The following PARD3 variants were observed in gnomAD, a reference collection of about 807,000 sequenced individuals.
The protein encoded by PARD3 is par-3 family cell polarity regulator, also known as partitioning defective 3 homolog.
A neutral mutation model predicts 155.4 loss-of-function variants in PARD3; 75 were observed. The ratio of observed to expected loss-of-function variants is 0.48; its 90% CI spans 0.40 to 0.58. PARD3 has a LOEUF of 0.58. Among genes scored for constraint, PARD3 ranks in the 20% least tolerant of loss-of-function variants. The probability of loss-of-function intolerance (pLI) is 0.00; values close to 1 mark genes in which losing one functional copy is unlikely to be tolerated. For missense variants in PARD3, 1,642 were observed against 1,721.7 expected, an observed-to-expected ratio of 0.95 and a Z score of 0.82; for synonymous variants, 576 against 610.5, an observed-to-expected ratio of 0.94 and a Z score of 0.83.
chr10:34,359,078 GC>G, intron 14 of PARD3, 68 bp downstream of exon 14: 4 of 1,252,280 alleles, frequency 3.2e-6, no homozygotes, highest in South Asian at 1.4e-5. Context: ...AATACCCTTT[GC>G]CCAAAATTAG....
intron 1 of PARD3, among the ~76,000 whole-genome samples, chr10:34,741,174 A>ATTTTTTTTTTTTTTTTTTTTTT (rs71033345): frequency 2.6e-5 from 3 of 114,308 alleles, no homozygotes; most frequent in Non-Finnish European, 5.2e-5. Context: ...CGTAAACCAA[A>ATTTTTTTTTTTTTTTTTTTTTT]TTTTTTTTTT....
chr10:34,258,592 G>A (rs1954783062), intron 22 of PARD3, among the ~76,000 whole-genome samples: 2 of 152,076 alleles, frequency 1.3e-5, no homozygotes, highest in Non-Finnish European at 2.9e-5. Context: ...AGAAATCTGG[G>A]GCTTATAAAG....
chr10:34,315,410 C>T (rs1182841520), intron 20 of PARD3, among the ~76,000 whole-genome samples: 1 of 152,064 alleles, frequency 6.6e-6, no homozygotes, highest in Non-Finnish European at 1.5e-5. Context: ...ACTCCAAGAC[C>T]AGAACAGAGC....
At chr10:34,500,906 T>G (rs1487085518) in intron 3 of PARD3, among the ~76,000 whole-genome samples, 3 of 152,158 alleles carry the variant, frequency 2.0e-5, no homozygotes, top group Non-Finnish European at 4.4e-5. Flanking sequence ...ATGCACAATA[T>G]TCACAACCTG....
At chr10:34,724,952 C>T (rs2094675052) in intron 1 of PARD3, among the ~76,000 whole-genome samples, 2 of 152,198 alleles carry the variant, frequency 1.3e-5, no homozygotes, top group South Asian at 4.1e-4. Context: ...TCATTCAGTA[C>T]AAGCAATGGA....
At chr10:34,563,966 G>A in intron 2 of PARD3, among the ~76,000 whole-genome samples, 1 of 152,166 alleles carries the variant, frequency 6.6e-6, no homozygotes, top group Admixed American at 6.5e-5. Context: ...GTAAATCAGT[G>A]TTGATGATAA....
chr10:34,750,285 A>G (rs1490722091), intron 1 of PARD3, among the ~76,000 whole-genome samples: 1 of 152,142 alleles, frequency 6.6e-6, no homozygotes, highest in East Asian at 1.9e-4. Context: ...CAAATAAAAC[A>G]GTATATCTAA....
Position 34,269,888 on chromosome 10 carries a change from T to G in PARD3, c.3188A>C (p.Lys1063Thr). ...TTGTCGTTCCCTAAATTCTCGAGTT[T>G]TGGCTTGAATCCTATGAAATCAGAA... ...MKQEQERIQAKTREFRERQAR... is the reference protein window; with the variant it reads ...MKQEQERIQATTREFRERQAR... The change falls in exon 22 of 25, where the codon AAA becomes ACA. Residue 1063 changes from lysine to threonine, a missense_variant. This residue lies in a region of PARD3 where 1,529 missense variants were observed against 1,587.3 expected (regional missense o/e 0.96). Coordinates refer to ENST00000374788, the MANE Select transcript of PARD3 (RefSeq NM_001184785.2). 1 of 1,613,636 alleles carries G rather than the reference T, an allele frequency of 6.2e-7. No homozygotes were observed. The highest frequency in any genetic ancestry group is 8.5e-7 in the Non-Finnish European group (1 of 1,179,784).
At chr10:34,132,675 G>T (rs1334426878) in intron 22 of PARD3, among the ~76,000 whole-genome samples, 1 of 152,208 alleles carries the variant, frequency 6.6e-6, no homozygotes, top group African/African-American at 2.4e-5. Context: ...GTGGACGGGA[G>T]ACAGGGAAAT....
chr10:34,295,526 A>G (rs928075919), intron 20 of PARD3, among the ~76,000 whole-genome samples: 2 of 152,184 alleles, frequency 1.3e-5, no homozygotes, highest in Non-Finnish European at 2.9e-5. Flanking sequence ...TGGGGGAAGC[A>G]GATCCTGTTT....
intron 1 of PARD3, among the ~76,000 whole-genome samples, chr10:34,812,578 C>T (rs1015116623): frequency 1.3e-5 from 2 of 152,030 alleles, no homozygotes; most frequent in Non-Finnish European, 1.5e-5. Flanking sequence ...AGAAGAAAAA[C>T]GAGAAAAAGG....
intron 22 of PARD3, among the ~76,000 whole-genome samples, chr10:34,255,807 T>C (rs192465474): frequency 2.4e-4 from 36 of 152,364 alleles, no homozygotes; most frequent in African/African-American, 8.7e-4. Context: ...GATTTATAAT[T>C]ATTTTACACG....
chr10:34,738,941 T>TG (rs755564364), intron 1 of PARD3, among the ~76,000 whole-genome samples: 61 of 152,128 alleles, frequency 4.0e-4, no homozygotes, highest in Middle Eastern at 6.8e-3. Flanking sequence ...CAAGCACAAA[T>TG]GGGGGTGTTC....
At chr10:34,401,972 A>G (rs1843933375) in intron 5 of PARD3, 55 bp from the exon 6 acceptor site, 2 of 1,339,608 alleles carry the variant, frequency 1.5e-6, no homozygotes, top group African/African-American at 1.4e-5. Context: ...TCTTGCTACA[A>G]TGTGAAAGGA....
At chr10:34,331,006 A>C in intron 19 of PARD3, 111 bp downstream of exon 19, 1 of 717,804 alleles carries the variant, frequency 1.4e-6, no homozygotes, top group Non-Finnish European at 2.4e-6. Context: ...GACCTCAGAG[A>C]TCTCAGAGAT....
intron 5 of PARD3, among the ~76,000 whole-genome samples, chr10:34,439,321 G>T (rs1230601731): frequency 6.6e-6 from 1 of 151,646 alleles, no homozygotes; most frequent in African/African-American, 2.4e-5. Context: ...GCTTCTCAAA[G>T]GGTTAAACTT....
intron 2 of PARD3, among the ~76,000 whole-genome samples, chr10:34,617,681 A>G (rs2091352358): frequency 1.3e-5 from 2 of 152,220 alleles, no homozygotes; most frequent in Non-Finnish European, 2.9e-5. Flanking sequence ...CAAGACCACA[A>G]CCAAGTGATT....
chr10:34,812,435 G>A (rs2134439450), intron 1 of PARD3, among the ~76,000 whole-genome samples: 1 of 152,250 alleles, frequency 6.6e-6, no homozygotes, highest in African/African-American at 2.4e-5. Flanking sequence ...AGGCAATACG[G>A]ATAAGGAACA....
intron 2 of PARD3, among the ~76,000 whole-genome samples, 195 bp downstream of exon 2, chr10:34,696,123 A>G (rs1010265881): frequency 6.6e-6 from 1 of 152,236 alleles, no homozygotes; most frequent in African/African-American, 2.4e-5. Flanking sequence ...AGGTATCAAG[A>G]AAATCATTAT....
Sources: allele counts gnomAD v4.1 joint callset (sites outside exome capture counted in the v4.1 genomes callset), GRCh38; gene constraint gnomAD v4.1.1; regional missense constraint gnomAD v4.1.1; transcripts MANE v1.5; gene names NCBI Gene and HGNC (gene_info 2026-07-23, HGNC 2026-07-21).